WDR33: variants seen among roughly 807,000 people sequenced by gnomAD.
The protein encoded by WDR33 is pre-mRNA 3' end processing protein WDR33.
A neutral mutation model predicts 164.9 loss-of-function variants in WDR33; 47 were observed. The observed-to-expected ratio is 0.29, with a 90% CI of 0.23 to 0.36. The LOEUF is 0.36. WDR33 is among the 10% of genes least tolerant of loss of function. WDR33 has a pLI of 1.00. For missense variants in WDR33, 1,137 were observed against 1,754.1 expected (o/e 0.65, Z 6.28); for synonymous variants, 505 against 589.0 (o/e 0.86, Z 2.06).
intron 7 of WDR33, among the ~76,000 whole-genome samples, chr2:127,733,539 C>T (rs956952344): frequency 6.6e-6 from 1 of 152,192 alleles, no homozygotes; most frequent in African/African-American, 2.4e-5. Context: ...TTAACCTGCA[C>T]TGTCCCATAT....
At chr2:127,739,696 C>A (rs1185998644) in intron 7 of WDR33, among the ~76,000 whole-genome samples, 1 of 152,156 alleles carries the variant, frequency 6.6e-6, no homozygotes, top group African/African-American at 2.4e-5. Flanking sequence ...TTTGAACATT[C>A]AATGAATAAA....
At chr2:127,729,200 G>T (rs927447904) in intron 7 of WDR33, among the ~76,000 whole-genome samples, 1 of 152,226 alleles carries the variant, frequency 6.6e-6, no homozygotes, top group East Asian at 1.9e-4. Flanking sequence ...CGAAGTATGT[G>T]TAGCGACTCA....
chr2:127,731,529 C>A (rs114881746), intron 7 of WDR33, among the ~76,000 whole-genome samples: 213 of 152,170 alleles, frequency 1.4e-3, no homozygotes, highest in African/African-American at 4.8e-3. Flanking sequence ...AAAAGCACAC[C>A]AAGATTTATG....
chr2:127,747,817 G>C (rs1001984686), intron 7 of WDR33, among the ~76,000 whole-genome samples: 2 of 152,142 alleles, frequency 1.3e-5, no homozygotes, highest in African/African-American at 4.8e-5. Context: ...ATATGTTCAA[G>C]AAAGTAAAAA....
intron 1 of WDR33, among the ~76,000 whole-genome samples, chr2:127,785,146 T>C (rs941027063): frequency 1.3e-5 from 2 of 152,106 alleles, no homozygotes; most frequent in African/African-American, 4.8e-5. Flanking sequence ...ATTCTTTTAA[T>C]TTTTTTTCTA....
At chr2:127,757,271 C>G (rs1687547953) in intron 7 of WDR33, among the ~76,000 whole-genome samples, 1 of 152,056 alleles carries the variant, frequency 6.6e-6, no homozygotes, top group African/African-American at 2.4e-5. Context: ...ATTAAAAGAA[C>G]AAAGCCCATC....
chr2:127,809,151 T>C (rs907823662), intron 1 of WDR33, among the ~76,000 whole-genome samples: 2 of 152,024 alleles, frequency 1.3e-5, no homozygotes, highest in Non-Finnish European at 2.9e-5. Context: ...TTCTGAAATA[T>C]GAAGCAGTTC....
At position 127,736,795 on chromosome 2, in the gene WDR33, A is replaced by G. The variant is rs189288276; in HGVS notation, c.725-10018T>C. ...GAGTCAAATAAAAACATATACAGGT[A>G]TAAGTTTTGCTGAAACTTACATATC... On this transcript the variant is annotated intron_variant, in intron 7 of 21. Transcript: ENST00000322313. The G allele has an allele frequency of 3.5e-4, 345 of 985,378 alleles. 1 individual carries two copies. The African/African-American group carries it at 4.7e-3, about 14-fold the overall frequency. The allele number at this position is 985,378 out of a possible 1,614,324, so 61.0% of individuals were successfully genotyped here. A position where few individuals can be genotyped will look rare whatever the true frequency, so the allele number is the denominator to read the frequency against.
chr2:127,711,780 A>ATATATATATATATT, intron 18 of WDR33, among the ~76,000 whole-genome samples: 4 of 88,304 alleles, frequency 4.5e-5, no homozygotes, highest in South Asian at 9.2e-4. Flanking sequence ...ATATATATAT[A>ATATATATATATATT]TTTTTTTTTT....
chr2:127,713,775 A>T lies in WDR33; in HGVS notation c.3116T>A (p.Leu1039Ter). 6.2e-7 allele frequency: 1 copy of T among 1,614,266 alleles called. No homozygotes were observed. Among genetic ancestry groups the T allele is most frequent in the Non-Finnish European group, 8.5e-7 (1 of 1,180,044 alleles). ...LREFEGRGGPLPQEEKWRRGG... is the reference protein window; with the variant it reads ...LREFEGRGGP ...TCGCCTCCACTTCTCTTCTTGCGGT[A>T]AAGGTCCTCCTCGCCCCTCAAATTC... The change falls in exon 18 of 22, where the codon TTA becomes TAA. Residue 1039 changes from leucine (L) to a stop codon, truncating the protein, a stop_gained. Coordinates refer to ENST00000322313, the MANE Select transcript of WDR33 (RefSeq NM_018383.5). LOFTEE classifies it high-confidence loss of function. This position sits in a 1 kb window ranked among gnomAD's most constrained non-coding sequence, Gnocchi z 6.2.
intron 18 of WDR33, among the ~76,000 whole-genome samples, chr2:127,711,317 C>A (rs557486469): frequency 2.0e-5 from 3 of 150,090 alleles, no homozygotes; most frequent in African/African-American, 7.4e-5. Flanking sequence ...CCCAGCTACT[C>A]GGGAGGCTGA....
In WDR33 at chr2:127,720,765, G is replaced by T. The variant is rs930513871; in HGVS notation, c.1672-412C>A. On this transcript the variant is annotated intron_variant, in intron 15 of 21. Coordinates refer to ENST00000322313, the MANE Select transcript of WDR33 (RefSeq NM_018383.5). The surrounding 1 kb of genome is among the most constrained non-coding windows in gnomAD (Gnocchi z 5.9). ...TGTAGAGACAGGGTCTTGCTATATT[G>T]CCCAGGCTGATCTCAAACTCCTGGG... is the stretch of plus-strand genomic sequence containing the variant. 5.3e-5 allele frequency among the ~76,000 whole-genome samples: 8 copies of T among 152,064 alleles called. No homozygotes were observed. The highest frequency in any genetic ancestry group is 1.9e-4 in the African/African-American group (8 of 41,390).
rs1024228657 is a variant in WDR33 at position 127,752,614 on chromosome 2, A to G, written c.724+10448T>C. Among the ~76,000 whole-genome samples the G allele has an allele frequency of 9.2e-5, 14 of 151,460 alleles. No individual in the cohort carries two copies. In the East Asian group the frequency reaches 9.7e-4, roughly 10 times the overall value. On this transcript the variant is annotated intron_variant, in intron 7 of 21. Transcript: ENST00000322313. The stretch of plus-strand genomic sequence containing the variant: ...TCCGTCTCAAAAAAAAAAAAAAAAA[A>G]AAAAAAGAAACAGTCTAGGCACCAA...
In WDR33 at chr2:127,774,134, CT is replaced by C. The variant is rs569271756; in HGVS notation, c.-23-3131del. Among the ~76,000 whole-genome samples the C allele has an allele frequency of 7.5e-4, 113 of 150,746 alleles. 1 individual carries two copies. Among genetic ancestry groups the C allele is most frequent in the African/African-American group, 2.6e-3 (106 of 40,894 alleles). ...TGGCATGATCTTGGCTCACTGCAAC[CT>C]CTGCCTCCCGGGTTCAAGCAATTCT... On this transcript the variant is annotated intron_variant, in intron 1 of 21. Coordinates refer to ENST00000322313, the MANE Select transcript of WDR33 (RefSeq NM_018383.5).
At chr2:127,801,884 A>C (rs1689262625) in intron 1 of WDR33, among the ~76,000 whole-genome samples, 1 of 151,742 alleles carries the variant, frequency 6.6e-6, no homozygotes, top group Non-Finnish European at 1.5e-5. Flanking sequence ...ACTCCATCTC[A>C]AAAAAAATGG....
chr2:127,789,643 A>G (rs1382569155), intron 1 of WDR33, among the ~76,000 whole-genome samples: 4 of 151,662 alleles, frequency 2.6e-5, no homozygotes, highest in Non-Finnish European at 4.4e-5. Flanking sequence ...TGGCAGCAGT[A>G]CAGTCCAGCT....
Position 127,723,052 on chromosome 2 carries a change from T to C in WDR33, c.1292-8A>G. On this transcript the variant is annotated splice_region_variant and splice_polypyrimidine_tract_variant and intron_variant, in intron 12 of 21. Transcript: ENST00000322313. The surrounding 1 kb of genome is among the most constrained non-coding windows in gnomAD (Gnocchi z 5.9). Reference sequence around the variant, plus strand: ...TATTAGGTTCGAGGTCATCTATAAATAGTAATACACCATTGTCAATAGAGA... The same window carrying C: ...TATTAGGTTCGAGGTCATCTATAAACAGTAATACACCATTGTCAATAGAGA... 4 of 1,601,378 alleles carry C rather than the reference T, an allele frequency of 2.5e-6. No homozygotes were observed. The highest frequency in any genetic ancestry group is 1.3e-5 in the African/African-American group (1 of 74,440).
intron 1 of WDR33, among the ~76,000 whole-genome samples, chr2:127,800,067 C>G (rs1056448687): frequency 1.3e-5 from 2 of 152,118 alleles, no homozygotes; most frequent in Non-Finnish European, 2.9e-5. Flanking sequence ...ATAAAATAAA[C>G]TGAAAATTAG....
chr2:127,793,355 C>T lies in WDR33; in HGVS notation c.-24+17657G>A, dbSNP rs191611605. On this transcript the variant is annotated intron_variant, in intron 1 of 21. Coordinates refer to ENST00000322313, the MANE Select transcript of WDR33 (RefSeq NM_018383.5). ...CTAAGGCAGGAGAATCGCTTCAACC[C>T]GGGAGAAGGAGGTTGCAGTGAGCCG... Among the ~76,000 whole-genome samples the T allele has an allele frequency of 7.1e-3, 1,086 of 151,988 alleles. 8 individuals are homozygous for T. The highest frequency in any genetic ancestry group is 0.013 in the Non-Finnish European group (880 of 67,980).
Sources: allele counts gnomAD v4.1 joint callset (sites outside exome capture counted in the v4.1 genomes callset), GRCh38; gene constraint gnomAD v4.1.1; non-coding constraint Gnocchi (gnomAD v3.1); transcripts MANE v1.5; gene names NCBI Gene and HGNC (gene_info 2026-07-23, HGNC 2026-07-21).